The following LIMA1 variants were observed in gnomAD, a reference collection of about 807,000 sequenced individuals.
The protein encoded by LIMA1 is LIM domain and actin-binding protein 1.
Under a neutral mutation model 62.6 loss-of-function variants are expected in LIMA1, and 52 were observed. The ratio of observed to expected loss-of-function variants is 0.83; its 90% confidence interval spans 0.67 to 1.05. LIMA1 has a LOEUF of 1.05. LIMA1 is among the 50% of genes least tolerant of loss of function. The probability of loss-of-function intolerance (pLI) is 0.00; values close to 1 mark genes in which losing one functional copy is unlikely to be tolerated. For synonymous variants in LIMA1, 302 were observed against 317.8 expected, an observed-to-expected ratio of 0.95 and a Z score of 0.53; for missense variants, 780 against 902.2, an observed-to-expected ratio of 0.86 and a Z score of 1.74.
At position 50,177,492 on chromosome 12, in the gene LIMA1, T is replaced by C. The variant is rs111446133; in HGVS notation, c.1852A>G (p.Met618Val). ...ACAGACTCTTCACTCTGCTCTGACA[T>C]GCTCCAGCCTTTCCTGATAGGTGGG... ...VSPPIRKGWS[M>V]SEQSEESVGG... Residue 618 changes from methionine (M) to valine (V), a missense_variant, in exon 11 of 11, where the codon ATG (methionine) becomes GTG (valine). Met to Val is a conservative substitution (Grantham distance 21). Transcript: ENST00000341247. 24 of 1,613,354 alleles carry C rather than the reference T, an allele frequency of 1.5e-5. 1 individual carries two copies. In the African/African-American group the frequency reaches 2.4e-4, roughly 16 times the overall value.
rs1371415334 is a variant in LIMA1 at position 50,190,821 on chromosome 12, G to T, written c.1140+1631C>A. Among the ~76,000 whole-genome samples the T allele has an allele frequency of 4.7e-5, 7 of 149,110 alleles. No individual in the cohort carries two copies. The East Asian group carries it at 1.4e-3, about 29-fold the overall frequency. On this transcript the variant is annotated intron_variant, in intron 9 of 10. Transcript: ENST00000341247. Reference sequence around the variant, plus strand: ...ACAGGTCCTAAAAAAAAAAAAAAGTGGGAACAACAGGGCCAGGTGTGTTTG... The same window carrying T: ...ACAGGTCCTAAAAAAAAAAAAAAGTTGGAACAACAGGGCCAGGTGTGTTTG...
At position 50,193,670 on chromosome 12, in the gene LIMA1, T is replaced by TA. The variant is rs1565833563; in HGVS notation, c.1031-1110_1031-1109insT. Among the ~76,000 whole-genome samples, 500 of 110,468 alleles carry TA rather than the reference T, an allele frequency of 4.5e-3. 12 individuals are homozygous for TA. Among genetic ancestry groups the TA allele is most frequent in the African/African-American group, 0.019 (475 of 24,572 alleles). 72.5% of individuals were successfully genotyped at this position (110,468 alleles called of 152,430 possible). A position where few individuals can be genotyped will look rare whatever the true frequency, so the allele number is the denominator to read the frequency against. On this transcript the variant is annotated intron_variant, in intron 8 of 10. Coordinates refer to ENST00000341247, the MANE Select transcript of LIMA1 (RefSeq NM_016357.5). ...TGTGTGTATATATATATATATATTT[T>TA]TTTTTTTTTTTTTTTTCAGAGTCTC...
intron 1 of LIMA1, among the ~76,000 whole-genome samples, chr12:50,255,933 A>C (rs2138659471): frequency 6.6e-6 from 1 of 152,170 alleles, no homozygotes; most frequent in South Asian, 2.1e-4. Context: ...TCTGTCGCCC[A>C]GGCTAGAGTG....
At position 50,256,814 on chromosome 12, in the gene LIMA1, A is replaced by G. The variant is rs560931123; in HGVS notation, c.-23-8040T>C. On this transcript the variant is annotated intron_variant, in intron 1 of 10. Transcript: ENST00000341247. ...TGCAATACTCAAAAGACAAAACAAA[A>G]AAAAGTTTTTTTAAAAAACATGATA... is the stretch of plus-strand genomic sequence containing the variant. Among the ~76,000 whole-genome samples the G allele has an allele frequency of 1.1e-4, 17 of 152,330 alleles. No homozygotes were observed. In the South Asian group the frequency reaches 3.3e-3, roughly 30 times the overall value.
At chr12:50,180,386 A>C (rs988558649) in intron 10 of LIMA1, among the ~76,000 whole-genome samples, 2 of 151,928 alleles carry the variant, frequency 1.3e-5, no homozygotes, top group African/African-American at 2.4e-5. Flanking sequence ...GAGGCATGAG[A>C]ATCGCTTGAA....
intron 1 of LIMA1, among the ~76,000 whole-genome samples, chr12:50,275,262 G>A (rs1942262818): frequency 6.6e-6 from 1 of 152,090 alleles, no homozygotes; most frequent in Admixed American, 6.5e-5. Flanking sequence ...AGCTACTCCG[G>A]AGGTCTGAGG....
At chr12:50,260,212 A>G (rs1942048586) in intron 1 of LIMA1, among the ~76,000 whole-genome samples, 1 of 151,140 alleles carries the variant, frequency 6.6e-6, no homozygotes. Context: ...CAATGTCGCA[A>G]TCTTGGCTCA....
At chr12:50,179,761 G>C (rs1406418791) in intron 10 of LIMA1, among the ~76,000 whole-genome samples, 1 of 149,084 alleles carries the variant, frequency 6.7e-6, no homozygotes, top group Non-Finnish European at 1.5e-5. Flanking sequence ...TTTTTTTTGA[G>C]TGGAGGTCTT....
At chr12:50,215,258 A>G (rs1941323243) in intron 4 of LIMA1, among the ~76,000 whole-genome samples, 1 of 152,192 alleles carries the variant, frequency 6.6e-6, no homozygotes, top group Non-Finnish European at 1.5e-5. Context: ...AAGATGTTGG[A>G]ACAAGTGAAG....
At chr12:50,276,289 G>A (rs1445996117) in intron 1 of LIMA1, among the ~76,000 whole-genome samples, 1 of 152,160 alleles carries the variant, frequency 6.6e-6, no homozygotes, top group Non-Finnish European at 1.5e-5. Context: ...AAAGTGGTAA[G>A]TACAACCTCA....
chr12:50,258,236 C>T (rs1041617105), intron 1 of LIMA1, among the ~76,000 whole-genome samples: 3 of 152,006 alleles, frequency 2.0e-5, no homozygotes, highest in Admixed American at 6.6e-5. Flanking sequence ...TGCTTCTAGG[C>T]GTCTTAGTGG....
intron 4 of LIMA1, among the ~76,000 whole-genome samples, chr12:50,221,680 T>TA (rs1941444008): frequency 6.6e-6 from 1 of 152,194 alleles, no homozygotes; most frequent in Non-Finnish European, 1.5e-5. Flanking sequence ...TATTCAGCAG[T>TA]AATTCCACCC....
intron 1 of LIMA1, among the ~76,000 whole-genome samples, chr12:50,256,933 T>G (rs1416294631): frequency 6.6e-6 from 1 of 152,232 alleles, no homozygotes; most frequent in South Asian, 2.1e-4. Flanking sequence ...GGGTACGTGA[T>G]GTTGATGTGA....
intron 3 of LIMA1, among the ~76,000 whole-genome samples, chr12:50,230,556 T>C (rs753251052): frequency 1.1e-4 from 16 of 151,926 alleles, no homozygotes; most frequent in Non-Finnish European, 2.4e-4. Flanking sequence ...GTAATGGTAG[T>C]TTTTTCTTTT....
intron 4 of LIMA1, among the ~76,000 whole-genome samples, chr12:50,218,860 C>G (rs1941393484): frequency 6.7e-6 from 1 of 150,040 alleles, no homozygotes; most frequent in South Asian, 2.1e-4. Flanking sequence ...CTGTACTCCT[C>G]CAGCCTGGGC....
At chr12:50,232,730 G>A (rs1221874435) in intron 2 of LIMA1, among the ~76,000 whole-genome samples, 2 of 151,556 alleles carry the variant, frequency 1.3e-5, no homozygotes, top group African/African-American at 4.8e-5. Context: ...GCTCATGCCT[G>A]TAATCCCAGC....
chr12:50,197,223 A>C (rs1335396493), intron 7 of LIMA1, among the ~76,000 whole-genome samples: 1 of 151,966 alleles, frequency 6.6e-6, no homozygotes, highest in African/African-American at 2.4e-5. Flanking sequence ...GGTGCCCATT[A>C]TCACACCCGG....
At chr12:50,211,206 C>G (rs1031798776) in intron 4 of LIMA1, among the ~76,000 whole-genome samples, 2 of 151,558 alleles carry the variant, frequency 1.3e-5, no homozygotes, top group South Asian at 2.1e-4. Flanking sequence ...ACCTGTAATC[C>G]CAGCTACTTG....
rs1940359988 is a variant in LIMA1, at chr12:50,177,206, T to C, written c.2138A>G (p.Asn713Ser). The C allele has an allele frequency of 6.2e-7, 1 of 1,614,036 alleles. No homozygotes were observed. ...KSLNWSSFVD[N>S]TFAEEFTTQN... ...AGTAGTGAATTCTTCAGCAAAGGTG[T>C]TGTCTACAAAACTCGACCAATTCAG... is the stretch of plus-strand genomic sequence containing the variant. The change falls in exon 11 of 11, where the codon AAC (asparagine) becomes AGC (serine). Residue 713 changes from asparagine (N) to serine (S), a missense_variant. Physicochemically the swap from Asn to Ser is conservative, Grantham distance 46. Transcript: ENST00000341247.
Sources: allele counts gnomAD v4.1 joint callset (sites outside exome capture counted in the v4.1 genomes callset), GRCh38; gene constraint gnomAD v4.1.1; transcripts MANE v1.5; gene names NCBI Gene and HGNC (gene_info 2026-07-23, HGNC 2026-07-21).